The following KIF6 variants were observed in gnomAD, a reference collection of about 807,000 sequenced individuals.
KIF6 encodes kinesin family member 6.
In KIF6, 106 loss-of-function variants were observed where a neutral mutation model predicts 112.7. The observed-to-expected ratio is 0.94, with a 90% CI of 0.80 to 1.11. The LOEUF is 1.11. KIF6 is among the 50% of genes least tolerant of loss of function. The probability of loss-of-function intolerance (pLI) is 0.00; values close to 1 mark genes in which losing one functional copy is unlikely to be tolerated. For missense variants in KIF6, 929 were observed against 964.0 expected (o/e 0.96, Z 0.48); for synonymous variants, 339 against 339.9 (o/e 1.00, Z 0.03).
chr6:39,685,818 T>C (rs935116680), intron 3 of KIF6, among the ~76,000 whole-genome samples: 1 of 152,330 alleles, frequency 6.6e-6, no homozygotes, highest in East Asian at 1.9e-4. Context: ...TGAATGGTCA[T>C]AGCCCCTCCA....
intron 13 of KIF6, among the ~76,000 whole-genome samples, chr6:39,462,434 A>T (rs545578876): frequency 6.6e-6 from 1 of 152,332 alleles, no homozygotes; most frequent in African/African-American, 2.4e-5. Flanking sequence ...GAGCTGCCAG[A>T]TCAACACGAG....
intron 15 of KIF6, among the ~76,000 whole-genome samples, chr6:39,394,267 T>G (rs1184031862): frequency 6.6e-6 from 1 of 152,192 alleles, no homozygotes; most frequent in African/African-American, 2.4e-5. Context: ...TATATATTTA[T>G]AAAAAGAAAT....
rs368464164 is a variant in KIF6, at chr6:39,548,511, T to C, written c.1182-2823A>G. Among the ~76,000 whole-genome samples the C allele has an allele frequency of 8.9e-4, 136 of 152,340 alleles. 1 individual carries two copies. The highest frequency in any genetic ancestry group is 3.2e-3 in the African/African-American group (131 of 41,584). On this transcript the variant is annotated intron_variant, in intron 10 of 22. Coordinates refer to ENST00000287152, the MANE Select transcript of KIF6 (RefSeq NM_145027.6). ...GACATGCTATTTTGCTTTCAGCACTTGAGAACACAAAGAAACATGCCTGGT... is the reference window on the plus strand; with the variant it reads ...GACATGCTATTTTGCTTTCAGCACTCGAGAACACAAAGAAACATGCCTGGT...
intron 16 of KIF6, among the ~76,000 whole-genome samples, chr6:39,384,036 GA>G (rs1767197855): frequency 6.6e-6 from 1 of 152,210 alleles, no homozygotes; most frequent in African/African-American, 2.4e-5. Context: ...TCAGGTCTTG[GA>G]GTCTTTTGGC....
intron 2 of KIF6, among the ~76,000 whole-genome samples, chr6:39,719,781 G>T (rs1186347855): frequency 6.6e-6 from 1 of 152,098 alleles, no homozygotes; most frequent in Non-Finnish European, 1.5e-5. Flanking sequence ...AAATGTGAGG[G>T]CATATGTAAT....
chr6:39,719,695 A>G (rs988966638), intron 2 of KIF6, among the ~76,000 whole-genome samples: 2 of 152,230 alleles, frequency 1.3e-5, no homozygotes, highest in African/African-American at 4.8e-5. Context: ...ATGACCATGC[A>G]AGGGTAGCTG....
At chr6:39,581,161 CTTTTT>C (rs60321520) in intron 9 of KIF6, among the ~76,000 whole-genome samples, 1 of 78,704 alleles carries the variant, frequency 1.3e-5, no homozygotes, top group Non-Finnish European at 2.5e-5. Flanking sequence ...GCTTTACTTT[CTTTTT>C]TTTTTTTTTT....
intron 3 of KIF6, among the ~76,000 whole-genome samples, chr6:39,701,646 A>C (rs537883288): frequency 2.0e-5 from 3 of 152,250 alleles, no homozygotes; most frequent in Non-Finnish European, 4.4e-5. Context: ...GGACTGCACG[A>C]GGCCCAGGCC....
chr6:39,665,763 A>G (rs1324524506), intron 3 of KIF6, among the ~76,000 whole-genome samples: 9 of 151,962 alleles, frequency 5.9e-5, no homozygotes, highest in East Asian at 3.9e-4. Flanking sequence ...ATATGTTCAC[A>G]TTAATTTTCT....
At chr6:39,372,590 C>T (rs979993680) in intron 16 of KIF6, among the ~76,000 whole-genome samples, 1 of 152,078 alleles carries the variant, frequency 6.6e-6, no homozygotes. Context: ...TATTATAAAC[C>T]ATTGCAAACA....
At chr6:39,373,096 C>G (rs778296605) in intron 16 of KIF6, among the ~76,000 whole-genome samples, 1 of 152,196 alleles carries the variant, frequency 6.6e-6, no homozygotes, top group Non-Finnish European at 1.5e-5. Context: ...ATAATACATT[C>G]TAGTCTAGCA....
chr6:39,715,734 C>T (rs1789812257), intron 2 of KIF6, among the ~76,000 whole-genome samples: 1 of 152,056 alleles, frequency 6.6e-6, no homozygotes, highest in Admixed American at 6.6e-5. Context: ...TTTAGAGAAG[C>T]AAACAATGAA....
At chr6:39,680,558 G>T (rs973375524) in intron 3 of KIF6, among the ~76,000 whole-genome samples, 2 of 152,158 alleles carry the variant, frequency 1.3e-5, no homozygotes, top group African/African-American at 4.8e-5. Flanking sequence ...CTCACAGATA[G>T]ATAGTAGAGG....
At chr6:39,349,967 T>C (rs1179536968) in intron 19 of KIF6, among the ~76,000 whole-genome samples, 3 of 152,168 alleles carry the variant, frequency 2.0e-5, no homozygotes, top group Non-Finnish European at 4.4e-5. Flanking sequence ...CTTTGTGTTA[T>C]TAACTACAGA....
intron 11 of KIF6, among the ~76,000 whole-genome samples, chr6:39,545,185 A>C (rs1050774375): frequency 1.3e-4 from 20 of 152,234 alleles, no homozygotes; most frequent in Non-Finnish European, 4.4e-5. Context: ...AGTAAAAGTG[A>C]TTATATTCCC....
chr6:39,526,311 T>C (rs1026194103), intron 13 of KIF6, among the ~76,000 whole-genome samples: 2 of 152,246 alleles, frequency 1.3e-5, no homozygotes, highest in African/African-American at 4.8e-5. Flanking sequence ...TTTGTTCTGA[T>C]CATACCCTTT....
chr6:39,571,556 C>T (rs925491746), intron 10 of KIF6, among the ~76,000 whole-genome samples: 2 of 152,050 alleles, frequency 1.3e-5, no homozygotes, highest in African/African-American at 4.8e-5. Context: ...TTGTTTATTC[C>T]CATATTTCCC....
At chr6:39,456,720 C>T (rs1205791340) in intron 13 of KIF6, among the ~76,000 whole-genome samples, 1 of 81,610 alleles carries the variant, frequency 1.2e-5, no homozygotes, top group Non-Finnish European at 2.1e-5. Context: ...GGGTTGCAAT[C>T]CTAGTCTCTG....
At chr6:39,646,409 T>A (rs1785175986) in intron 3 of KIF6, among the ~76,000 whole-genome samples, 1 of 151,988 alleles carries the variant, frequency 6.6e-6, no homozygotes. Flanking sequence ...CCCAAAGAAT[T>A]CCCTCCAAGG....
Sources: allele counts gnomAD v4.1 joint callset (sites outside exome capture counted in the v4.1 genomes callset), GRCh38; gene constraint gnomAD v4.1.1; transcripts MANE v1.5; gene names NCBI Gene and HGNC (gene_info 2026-07-23, HGNC 2026-07-21).